COQ8B: variants seen among roughly 807,000 people sequenced by gnomAD.
COQ8B encodes coenzyme Q8B.
In COQ8B, 44 loss-of-function variants were observed where a neutral mutation model predicts 62.0. That is an observed-to-expected ratio of 0.71 (90% CI 0.56 to 0.91). COQ8B has a LOEUF of 0.91. COQ8B is among the 40% of genes least tolerant of loss of function. COQ8B has a pLI of 0.00. For missense variants in COQ8B, 649 were observed against 731.6 expected (o/e 0.89, Z 1.30); for synonymous variants, 252 against 289.9 (o/e 0.87, Z 1.33).
chr19:40,692,109 C>T lies in COQ8B; in HGVS notation c.1561G>A (p.Ala521Thr). ...GTGGCTGCGTCTGGCTGGCGACTGG[C>T]CCAGTAGCGGTGGTAGGTGTCCTGG... is the stretch of plus-strand genomic sequence containing the variant. The part of the protein sequence containing the change: ...LFQDTYHRYW[A>T]SRQPDAATAG... Residue 521 changes from alanine (A) to threonine (T), a missense_variant, in exon 15 of 15, where the codon GCC becomes ACC. Physicochemically the swap from Ala to Thr is moderately conservative, Grantham distance 58. Transcript: ENST00000324464. The T allele has an allele frequency of 6.2e-7, 1 of 1,607,886 alleles. No individual in the cohort carries two copies. The highest frequency in any genetic ancestry group is 8.5e-7 in the Non-Finnish European group (1 of 1,177,420).
intron 9 of COQ8B, among the ~76,000 whole-genome samples, chr19:40,702,967 G>A (rs549325447): frequency 3.4e-4 from 51 of 148,932 alleles, no homozygotes; most frequent in African/African-American, 6.5e-4. Context: ...CATTTCCCTC[G>A]TCCTTCATAG....
In COQ8B at chr19:40,692,292, C is replaced by G. The variant is rs2081977773; in HGVS notation, c.1378G>C (p.Gly460Arg). 2 of 1,613,748 alleles carry G rather than the reference C, an allele frequency of 1.2e-6. No homozygotes were observed. Among genetic ancestry groups the G allele is most frequent in the Non-Finnish European group, 1.7e-6 (2 of 1,179,862 alleles). Residue 460 changes from glycine (G) to arginine (R), a missense_variant, in exon 15 of 15, where the codon GGG (glycine) becomes CGG (arginine). By Grantham distance (125) the Gly-to-Arg change is moderately radical. Coordinates refer to ENST00000324464, the MANE Select transcript of COQ8B (RefSeq NM_024876.4). ...TCCTGTATGCGGCGGGCCGTTTCCC[C>G]CGACCCAAAGTCATAAGGGCCCTGG... ...ATQGPYDFGS[G>R]ETARRIQDLI...
chr19:40,714,779 G>A, intron 1 of COQ8B, 144 bp from the exon 2 acceptor site: 1 of 1,312,970 alleles, frequency 7.6e-7, no homozygotes, highest in Non-Finnish European at 1.0e-6. Context: ...GTTTCTCCTG[G>A]TTCTCCCCTG....
At position 40,691,703 on chromosome 19, in the gene COQ8B, G is replaced by A. The variant is rs1599921189; in HGVS notation, c.*332C>T. On this transcript the variant is annotated 3_prime_UTR_variant, in exon 15 of 15. Transcript: ENST00000324464. The stretch of plus-strand genomic sequence containing the variant: ...CCATCTCGCCTTCCACGGGAGGCTT[G>A]AGGCAGAGGTGAGGGCTCCCCCTGA... 3 of 212,528 alleles carry A rather than the reference G, an allele frequency of 1.4e-5. No individual in the cohort carries two copies. The East Asian group carries it at 2.9e-4, about 20-fold the overall frequency. 13.2% of individuals were successfully genotyped at this position (212,528 alleles called of 1,614,324 possible).
rs761940951 is a variant in COQ8B at position 40,692,005 on chromosome 19, C to G, written c.*30G>C. The G allele has an allele frequency of 6.4e-7, 1 of 1,560,542 alleles. No homozygotes were observed. The highest frequency in any genetic ancestry group is 8.7e-7 in the Non-Finnish European group (1 of 1,151,542). On this transcript the variant is annotated 3_prime_UTR_variant, in exon 15 of 15. Transcript: ENST00000324464. ...AGGCACTACAGCAGGGTACGGCCTG[C>G]TCTGGGGACTGAATCCCCCATGGAG...
At chr19:40,707,227 C>CG (rs1481238523) in intron 5 of COQ8B, among the ~76,000 whole-genome samples, 2 of 151,712 alleles carry the variant, frequency 1.3e-5, no homozygotes, top group Non-Finnish European at 2.9e-5. Context: ...CGTGATCCCG[C>CG]CACCGCACTC....
intron 9 of COQ8B, among the ~76,000 whole-genome samples, chr19:40,703,044 C>G (rs1176637849): frequency 6.6e-6 from 1 of 152,124 alleles, no homozygotes; most frequent in Non-Finnish European, 1.5e-5. Context: ...ATGCCTGCAC[C>G]CCAGTCCCTG....
At chr19:40,710,236 C>A (rs896676801) in intron 4 of COQ8B, 100 bp from the exon 5 acceptor site, 4 of 1,100,394 alleles carry the variant, frequency 3.6e-6, no homozygotes, top group South Asian at 1.3e-5. Flanking sequence ...GCTTGTCTCC[C>A]AACTCTTTTT....
chr19:40,695,871 T>G, intron 13 of COQ8B, 118 bp downstream of exon 13: 1 of 1,041,752 alleles, frequency 9.6e-7, no homozygotes, highest in South Asian at 1.3e-5. Context: ...CTACGAGTAT[T>G]ACTATTATTT....
In COQ8B at chr19:40,692,037, A is replaced by C. The variant is rs2144676645; in HGVS notation, c.1633T>G (p.Ter545GlyextTer61). 6.3e-7 allele frequency: 1 copy of C among 1,598,456 alleles called. No homozygotes were observed. Among genetic ancestry groups the C allele is most frequent in the African/African-American group, 1.3e-5 (1 of 74,800 alleles). The change falls in exon 15 of 15, where the codon TGA (stop) becomes GGA (glycine). Residue 545 changes from the stop codon to glycine, a stop_lost. Coordinates refer to ENST00000324464, the MANE Select transcript of COQ8B (RefSeq NM_024876.4). The part of the protein sequence containing the change: ...TKGDSWVDPS[*>G] ...GACTGAATCCCCCATGGAGGCTGTC[A>C]TGAGGGATCCACCCAGGAGTCCCCT...
chr19:40,715,429 C>T, intron 1 of COQ8B: 1 of 985,606 alleles, frequency 1.0e-6, no homozygotes, highest in Non-Finnish European at 1.2e-6. Flanking sequence ...TCTTGCCAAC[C>T]CCCCTTCTTA....
rs376627440 is a variant in COQ8B at position 40,700,302 on chromosome 19, C to T, written c.1035+8G>A. 6.4e-4 allele frequency: 1,029 copies of T among 1,613,210 alleles called. 19 individuals carry two copies. In the South Asian group the frequency reaches 9.3e-3, roughly 15 times the overall value. On this transcript the variant is annotated splice_region_variant and intron_variant, in intron 11 of 14. Coordinates refer to ENST00000324464, the MANE Select transcript of COQ8B (RefSeq NM_024876.4). Reference sequence around the variant, plus strand: ...ATGCCCTTCCCACTGTGCCACCAGACAGCATACCTGGTTCCGCAGGTCCTG... The same window carrying T: ...ATGCCCTTCCCACTGTGCCACCAGATAGCATACCTGGTTCCGCAGGTCCTG...
chr19:40,702,728 C>G (rs201573678), intron 9 of COQ8B, 35 bp from the exon 10 acceptor site: 2 of 1,593,244 alleles, frequency 1.3e-6, no homozygotes, highest in Non-Finnish European at 1.7e-6. Flanking sequence ...GGAAGGGCCC[C>G]GAGCGCCCAC....
At position 40,702,524 on chromosome 19, in the gene COQ8B, A is replaced by G. The variant is rs186344872; in HGVS notation, c.893+76T>C. ...GCCCTACCCCACAGCTCCAGCTGCC[A>G]GAAGCTGAGGGGGCAGCTACTTCCC... On this transcript the variant is annotated intron_variant, in intron 10 of 14. Coordinates refer to ENST00000324464, the MANE Select transcript of COQ8B (RefSeq NM_024876.4). 8,840 of 1,394,818 alleles carry G rather than the reference A, an allele frequency of 6.3e-3. 57 individuals carry two copies. The highest frequency in any genetic ancestry group is 6.8e-3 in the Non-Finnish European group (6,729 of 984,330). The allele number at this position is 1,394,818 out of a possible 1,614,324, so 86.4% of individuals were successfully genotyped here.
chr19:40,703,316 T>C, intron 9 of COQ8B: 1 of 537,794 alleles, frequency 1.9e-6, no homozygotes, highest in Non-Finnish European at 3.3e-6. Flanking sequence ...ATCTTGGCCC[T>C]GGGCTCCCGT....
At chr19:40,702,805 T>C (rs2082070857) in intron 9 of COQ8B, 112 bp from the exon 10 acceptor site, 7 of 933,628 alleles carry the variant, frequency 7.5e-6, no homozygotes, top group Non-Finnish European at 8.3e-6. Context: ...CAGCTCCTAC[T>C]CTAGGCCTGT....
rs2081984148 is a variant in COQ8B at position 40,692,818 on chromosome 19, CCT to C, written c.1296+131_1296+132del. 6 of 719,904 alleles carry C rather than the reference CCT, an allele frequency of 8.3e-6. No individual in the cohort carries two copies. In the African/African-American group the frequency reaches 1.1e-4, roughly 13 times the overall value. 44.6% of individuals were successfully genotyped at this position (719,904 alleles called of 1,614,324 possible). A position where few individuals can be genotyped will look rare whatever the true frequency, so the allele number is the denominator to read the frequency against. ...CCATTCTCCCTAGTGGAGACAAGCC[CCT>C]CCTAGAGTCCCCCAGTCCCCGGGTA... On this transcript the variant is annotated intron_variant, in intron 14 of 14. Coordinates refer to ENST00000324464, the MANE Select transcript of COQ8B (RefSeq NM_024876.4).
rs1442214696 is a variant in COQ8B, at chr19:40,693,037, C to G, written c.1210G>C (p.Val404Leu). ...GTEFTDHYIE[V>L]VKAAADGDRD... ...TCTCCATCAGCTGCAGCCTTCACCA[C>G]CTGGGGAGACGGGTGGGAGTTAGAG... Residue 404 changes from valine to leucine, a missense_variant and splice_region_variant, in exon 14 of 15, where the codon GTG becomes CTG. Val to Leu is a conservative substitution (Grantham distance 32). Transcript: ENST00000324464. The G allele has an allele frequency of 6.2e-7, 1 of 1,613,646 alleles. No homozygotes were observed. Among genetic ancestry groups the G allele is most frequent in the Admixed American group, 1.7e-5 (1 of 59,988 alleles).
chr19:40,705,469 G>T, intron 5 of COQ8B, 22 bp from the exon 6 acceptor site: 1 of 1,526,576 alleles, frequency 6.6e-7, no homozygotes, highest in Non-Finnish European at 8.8e-7. Context: ...ACAACCATTA[G>T]AATTATAACC....
Sources: gnomAD v4.1 joint callset for allele counts (sites outside exome capture counted in the v4.1 genomes callset) on GRCh38, gnomAD v4.1.1 for gene constraint, MANE v1.5 for transcripts, NCBI Gene and HGNC (gene_info 2026-07-23, HGNC 2026-07-21) for gene names.